Variants in SCN8A observed in about 807,000 individuals in gnomAD.
SCN8A encodes the protein sodium voltage-gated channel alpha subunit 8.
A neutral mutation model predicts 184.1 loss-of-function variants in SCN8A; 30 were observed. The ratio of observed to expected loss-of-function variants is 0.16; its 90% confidence interval spans 0.12 to 0.22. The LOEUF (loss-of-function observed/expected upper bound fraction) is 0.22. SCN8A is among the 10% of genes least tolerant of loss of function. The probability of loss-of-function intolerance (pLI) is 1.00; values close to 1 mark genes in which losing one functional copy is unlikely to be tolerated. For missense variants in SCN8A, 1,057 were observed against 2,498.9 expected, an observed-to-expected ratio of 0.42 and a Z score of 12.30; for synonymous variants, 852 against 907.0, an observed-to-expected ratio of 0.94 and a Z score of 1.09.
intron 2 of SCN8A, among the ~76,000 whole-genome samples, chr12:51,683,921 T>G (rs902346298): frequency 6.6e-6 from 1 of 152,194 alleles, no homozygotes; most frequent in Admixed American, 6.5e-5. Flanking sequence ...TCAAATGGCC[T>G]GTTTCTGAAA....
intron 5 of SCN8A, among the ~76,000 whole-genome samples, chr12:51,687,489 C>G (rs371942027): frequency 2.6e-5 from 4 of 152,258 alleles, no homozygotes; most frequent in South Asian, 4.1e-4. Flanking sequence ...CATTGGCACT[C>G]TCTCGTATTT....
chr12:51,765,482 T>C (rs975006872), intron 15 of SCN8A, among the ~76,000 whole-genome samples, 189 bp from the exon 16 acceptor site: 1 of 152,214 alleles, frequency 6.6e-6, no homozygotes, highest in Non-Finnish European at 1.5e-5. Context: ...ATTAATCAGT[T>C]TTCCCTTATT....
In SCN8A at chr12:51,810,130, G is replaced by A. The variant is rs565964051; in HGVS notation, c.*2701G>A. The A allele has an allele frequency of 5.9e-5, 11 of 185,686 alleles. No individual in the cohort carries two copies. In the East Asian group the frequency reaches 7.0e-4, roughly 12 times the overall value. 11.5% of individuals were successfully genotyped at this position (185,686 alleles called of 1,614,324 possible). A position where few individuals can be genotyped will look rare whatever the true frequency, so the allele number is the denominator to read the frequency against. On this transcript the variant is annotated 3_prime_UTR_variant, in exon 27 of 27. Coordinates refer to ENST00000627620, the MANE Select transcript of SCN8A (RefSeq NM_001330260.2). ...TTCTGAGATCTAACCGTTTCCCTCC[G>A]CTAGCTCCTGACCCCAGCCCAGCAG...
intron 1 of SCN8A, among the ~76,000 whole-genome samples, chr12:51,638,459 C>T (rs767348650): frequency 3.3e-5 from 5 of 151,126 alleles, no homozygotes; most frequent in South Asian, 2.1e-4. Flanking sequence ...AAAATGTCAA[C>T]GTCAACAGGA....
At chr12:51,597,722 A>G (rs1843983477) in intron 1 of SCN8A, among the ~76,000 whole-genome samples, 1 of 152,180 alleles carries the variant, frequency 6.6e-6, no homozygotes. Flanking sequence ...GAGCCTCTAC[A>G]AGTTTAATGT....
At chr12:51,798,311 G>A (rs1350917494) in intron 26 of SCN8A, among the ~76,000 whole-genome samples, 1 of 152,198 alleles carries the variant, frequency 6.6e-6, no homozygotes, top group Non-Finnish European at 1.5e-5. Context: ...ATGATGGTGG[G>A]TAATGCATTC....
intron 8 of SCN8A, 97 bp from the exon 9 acceptor site, chr12:51,702,676 G>C: frequency 1.1e-6 from 1 of 945,710 alleles, no homozygotes; most frequent in Non-Finnish European, 1.4e-6. Context: ...TATCTCCAAG[G>C]TCATGGAGTA....
At chr12:51,669,762 T>C (rs968707604) in intron 2 of SCN8A, among the ~76,000 whole-genome samples, 22 of 152,186 alleles carry the variant, frequency 1.4e-4, no homozygotes, top group African/African-American at 5.3e-4. Flanking sequence ...TCTCCTTATT[T>C]CACTAATATT....
chr12:51,774,242 A>G lies in SCN8A; in HGVS notation c.3699A>G (p.Glu1233=). Residue 1233 remains glutamate (E), a synonymous_variant, in exon 20 of 27, where the codon GAA becomes GAG. Coordinates refer to ENST00000627620, the MANE Select transcript of SCN8A (RefSeq NM_001330260.2). ...EQRKTIRTIL[E]YADKVFTYIF... is the part of the protein sequence containing the mutation. ...GAAAGACCATCCGCACCATCCTGGA[A>G]TATGCTGACAAAGTCTTCACCTATA... The G allele has an allele frequency of 1.2e-6, 2 of 1,614,036 alleles. No homozygotes were observed. The highest frequency in any genetic ancestry group is 2.2e-5 in the South Asian group (2 of 91,086).
At chr12:51,717,113 A>T (rs984522506) in intron 11 of SCN8A, among the ~76,000 whole-genome samples, 3 of 152,050 alleles carry the variant, frequency 2.0e-5, no homozygotes, top group Non-Finnish European at 4.4e-5. Context: ...ACCAACACTT[A>T]TATTTCCCCG....
chr12:51,701,521 T>G (rs1941687157), intron 8 of SCN8A, among the ~76,000 whole-genome samples: 1 of 152,184 alleles, frequency 6.6e-6, no homozygotes, highest in African/African-American at 2.4e-5. Context: ...AGAGCAAAGA[T>G]ACCATCTTAG....
At chr12:51,770,817 A>G in intron 19 of SCN8A, 134 bp downstream of exon 19, 4 of 894,532 alleles carry the variant, frequency 4.5e-6, no homozygotes, top group African/African-American at 1.7e-5. Context: ...ATGATCTGTT[A>G]AAGTGCTTTA....
At chr12:51,798,486 G>A (rs772546858) in intron 26 of SCN8A, among the ~76,000 whole-genome samples, 3 of 152,180 alleles carry the variant, frequency 2.0e-5, no homozygotes, top group Non-Finnish European at 4.4e-5. Flanking sequence ...TGATCACCCC[G>A]AGGAATGGTG....
chr12:51,789,183 T>G, intron 23 of SCN8A, 98 bp from the exon 24 acceptor site: 1 of 1,324,974 alleles, frequency 7.5e-7, no homozygotes, highest in Non-Finnish European at 1.1e-6. Flanking sequence ...CCCAAGATGT[T>G]TAGCAGCTCA....
intron 24 of SCN8A, among the ~76,000 whole-genome samples, 191 bp from the exon 25 acceptor site, chr12:51,790,207 A>C (rs1938206263): frequency 6.6e-6 from 1 of 152,160 alleles, no homozygotes; most frequent in South Asian, 2.1e-4. Context: ...AGAAATCCTG[A>C]GCTAAAAACA....
At chr12:51,594,976 T>C (rs1171490052) in intron 1 of SCN8A, among the ~76,000 whole-genome samples, 1 of 152,174 alleles carries the variant, frequency 6.6e-6, no homozygotes, top group Non-Finnish European at 1.5e-5. Flanking sequence ...CAAAAAAAAC[T>C]GTAATGTGAA....
At chr12:51,725,535 A>AGG (rs1436074395) in intron 12 of SCN8A, among the ~76,000 whole-genome samples, 1 of 152,166 alleles carries the variant, frequency 6.6e-6, no homozygotes, top group Admixed American at 6.5e-5. Flanking sequence ...TATTCTTATA[A>AGG]TCACTCTATT....
intron 1 of SCN8A, among the ~76,000 whole-genome samples, chr12:51,608,328 C>A (rs565369753): frequency 3.3e-5 from 5 of 152,116 alleles, no homozygotes; most frequent in African/African-American, 9.6e-5. Flanking sequence ...ATTTTTCTTT[C>A]AATGTCTGGT....
rs1326992524 is a variant in SCN8A, at chr12:51,794,585, A to G, written c.4739A>G (p.Tyr1580Cys). 3 of 1,613,772 alleles carry G rather than the reference A, an allele frequency of 1.9e-6. No homozygotes were observed. Among genetic ancestry groups the G allele is most frequent in the Admixed American group, 3.3e-5 (2 of 59,992 alleles). The change falls in exon 26 of 27, where the codon TAC (tyrosine) becomes TGC (cysteine). Residue 1580 changes from tyrosine to cysteine, a missense_variant. By Grantham distance (194) the Tyr-to-Cys change is radical (BLOSUM62 -2). Transcript: ENST00000627620. The part of the protein sequence containing the change: ...VLKMFALRHY[Y>C]FTIGWNIFDF... ...AAAATGTTTGCGTTGAGGCACTACT[A>G]CTTCACCATTGGCTGGAACATCTTC...
Sources: gnomAD v4.1 joint callset for allele counts (sites outside exome capture counted in the v4.1 genomes callset) on GRCh38, gnomAD v4.1.1 for gene constraint, MANE v1.5 for transcripts, NCBI Gene and HGNC (gene_info 2026-07-23, HGNC 2026-07-21) for gene names.